IGLL5: variants seen among roughly 807,000 people sequenced by gnomAD.
IGLL5 encodes the protein immunoglobulin lambda-like polypeptide 5.
In IGLL5, 30 loss-of-function variants were observed where a neutral mutation model predicts 20.9. That is an observed-to-expected ratio of 1.44 (90% CI 1.07 to 1.95). The LOEUF (loss-of-function observed/expected upper bound fraction) is 1.95, where lower values mean the gene tolerates loss of function less well. Ranked by LOEUF, IGLL5 falls within the 30% of genes most tolerant of loss-of-function variation. The pLI, the probability that IGLL5 is intolerant of heterozygous loss-of-function variation, is 0.00. For missense variants in IGLL5, 475 were observed against 270.7 expected, an observed-to-expected ratio of 1.75 and a Z score of -5.30; for synonymous variants, 203 against 117.3, an observed-to-expected ratio of 1.73 and a Z score of -4.72.
chr22:22,893,880 T>TTG, intron 2 of IGLL5, 62 bp downstream of exon 2: 2 of 1,169,058 alleles, frequency 1.7e-6, no homozygotes, highest in Non-Finnish European at 1.3e-6. Flanking sequence ...AAAATCTGTT[T>TTG]TCTCTCTCTG....
At chr22:22,889,876 G>A (rs886381749) in intron 1 of IGLL5, among the ~76,000 whole-genome samples, 2 of 151,300 alleles carry the variant, frequency 1.3e-5, no homozygotes, top group Non-Finnish European at 2.9e-5. Context: ...AATTACAGGC[G>A]TGAGCCACTG....
chr22:22,889,726 T>C (rs1601609624), intron 1 of IGLL5, among the ~76,000 whole-genome samples: 1 of 151,268 alleles, frequency 6.6e-6, no homozygotes, highest in Admixed American at 6.6e-5. Context: ...TAGCTAGGAC[T>C]ACAGATGCAG....
At chr22:22,889,308 A>C in intron 1 of IGLL5, among the ~76,000 whole-genome samples, 1 of 151,020 alleles carries the variant, frequency 6.6e-6, no homozygotes, top group Admixed American at 6.6e-5. Flanking sequence ...AGGGCTGAGC[A>C]GAGGGGAGCA....
Position 22,894,180 on chromosome 22 carries a change from T to C in IGLL5, c.325+362T>C, listed in dbSNP as rs190712431. ...GACTCCTGGGGTCAAGGACAGAGGC[T>C]GCTGGGGTGGGCCTGGGAGCTGCTG... On this transcript the variant is annotated intron_variant, in intron 2 of 2. Transcript: ENST00000526893. Among the ~76,000 whole-genome samples, 4 of 151,486 alleles carry C rather than the reference T, an allele frequency of 2.6e-5. 1 individual carries two copies. The highest frequency in any genetic ancestry group is 7.3e-5 in the African/African-American group (3 of 41,368).
In IGLL5 at chr22:22,895,679, T is replaced by G; in HGVS notation, c.630T>G (p.Pro210=). ...GCACCGTGGAGAAGACAGTGGCCCC[T>G]ACAGAATGTTCATAGGTTCCCAACT... ...EGSTVEKTVA[P]TECS is the part of the protein sequence containing the mutation. The change falls in exon 3 of 3, where the codon CCT becomes CCG. Residue 210 remains proline, a synonymous_variant. Coordinates refer to ENST00000526893, the MANE Select transcript of IGLL5 (RefSeq NM_001178126.2). The G allele has an allele frequency of 6.2e-7, 1 of 1,613,146 alleles. No homozygotes were observed.
chr22:22,893,117 G>T (rs1257184577), intron 1 of IGLL5, among the ~76,000 whole-genome samples: 1 of 151,130 alleles, frequency 6.6e-6, no homozygotes, highest in African/African-American at 2.4e-5. Flanking sequence ...GGATGAATGA[G>T]TGGACAGATG....
In IGLL5 at chr22:22,888,419, A is replaced by C. The variant is rs543924942; in HGVS notation, c.206+160A>C. 1.3e-5 allele frequency among the ~76,000 whole-genome samples: 2 copies of C among 151,496 alleles called. 1 individual carries two copies. Among genetic ancestry groups the C allele is most frequent in the South Asian group, 4.2e-4 (2 of 4,766 alleles). On this transcript the variant is annotated intron_variant, in intron 1 of 2. Transcript: ENST00000526893. ...GTAATGGGTTGATATTTTGTCCATC[A>C]CAGATTTGTTTGAATTACTGTTTTT...
chr22:22,893,661 C>A, intron 1 of IGLL5, 39 bp from the exon 2 acceptor site: 3 of 1,354,762 alleles, frequency 2.2e-6, no homozygotes, highest in Non-Finnish European at 1.0e-6. Context: ...TAGGTCCCAG[C>A]CCCGCCCACT....
At position 22,893,860 on chromosome 22, in the gene IGLL5, C is replaced by T. The variant is rs139451152; in HGVS notation, c.325+42C>T. ...CTTTCCCAGCCTGTCTCACCCTCTG[C>T]TGTCCCTGGAAAATCTGTTTTCTCT... is the stretch of plus-strand genomic sequence containing the variant. On this transcript the variant is annotated intron_variant, in intron 2 of 2. Transcript: ENST00000526893. 4.7e-5 allele frequency: 63 copies of T among 1,329,716 alleles called. 1 individual carries two copies. The highest frequency in any genetic ancestry group is 1.7e-4 in the African/African-American group (12 of 69,236). 82.4% of individuals were successfully genotyped at this position (1,329,716 alleles called of 1,614,324 possible). A position where few individuals can be genotyped will look rare whatever the true frequency, so the allele number is the denominator to read the frequency against.
rs762383453 is a variant in IGLL5, at chr22:22,888,151, T to G, written c.98T>G (p.Met33Arg). The change falls in exon 1 of 3, where the codon ATG becomes AGG. Residue 33 changes from methionine (M) to arginine (R), a missense_variant. Transcript: ENST00000526893. ...CCCCTGCTGCTGCTGGGTCTGGCCA[T>G]GGTCGCCCATGGCCTGCTGCGCCCA... ...RWPLLLLGLA[M>R]VAHGLLRPMV... 1.3e-6 allele frequency: 2 copies of G among 1,549,338 alleles called. No individual in the cohort carries two copies. Among genetic ancestry groups the G allele is most frequent in the Admixed American group, 2.0e-5 (1 of 50,820 alleles).
chr22:22,888,950 G>C (rs9623962), intron 1 of IGLL5, among the ~76,000 whole-genome samples: 8 of 151,326 alleles, frequency 5.3e-5, no homozygotes, highest in East Asian at 4.0e-4. Flanking sequence ...AGACAGAGCA[G>C]CGTCAGAGGA....
At chr22:22,895,339 G>A (rs757962695) in intron 2 of IGLL5, 36 bp from the exon 3 acceptor site, 2 of 1,585,754 alleles carry the variant, frequency 1.3e-6, no homozygotes, top group African/African-American at 1.3e-5. Flanking sequence ...CCGGTATTCT[G>A]TCTGCCCTCT....
At chr22:22,888,795 T>A (rs1601603991) in intron 1 of IGLL5, among the ~76,000 whole-genome samples, 1 of 151,352 alleles carries the variant, frequency 6.6e-6, no homozygotes, top group Non-Finnish European at 1.5e-5. Flanking sequence ...GAGGGTGGGA[T>A]GAACCGAGGG....
At chr22:22,893,969 G>A (rs2067958639) in intron 2 of IGLL5, 151 bp downstream of exon 2, 3 of 168,060 alleles carry the variant, frequency 1.8e-5, no homozygotes, top group South Asian at 2.0e-4. Context: ...AGGTGCATTA[G>A]TCTCCGGGTA....
chr22:22,889,827 G>C (rs935335919), intron 1 of IGLL5, among the ~76,000 whole-genome samples: 3 of 151,368 alleles, frequency 2.0e-5, no homozygotes, highest in East Asian at 2.0e-4. Context: ...AAATTCCTAA[G>C]CTCAAGCAAT....
chr22:22,894,427 G>T (rs896264787), intron 2 of IGLL5, among the ~76,000 whole-genome samples: 2 of 151,396 alleles, frequency 1.3e-5, no homozygotes, highest in Admixed American at 6.6e-5. Flanking sequence ...GTGAGACTGG[G>T]TGAGGTGCCA....
chr22:22,895,987 C>T lies in IGLL5; in HGVS notation c.*293C>T, dbSNP rs2146056541. 1 of 551,240 alleles carries T rather than the reference C, an allele frequency of 1.8e-6. No homozygotes were observed. Among genetic ancestry groups the T allele is most frequent in the East Asian group, 3.2e-5 (1 of 31,496 alleles). The allele number at this position is 551,240 out of a possible 1,614,324, so 34.1% of individuals were successfully genotyped here. On this transcript the variant is annotated 3_prime_UTR_variant, in exon 3 of 3. Transcript: ENST00000526893. The stretch of plus-strand genomic sequence containing the variant: ...GTCATCTCCCCAGAGGGTCCTTCCT[C>T]TCCCAGTCACCCCTTCTCCAACTCT...
At chr22:22,889,571 A>C (rs1017421560) in intron 1 of IGLL5, among the ~76,000 whole-genome samples, 2 of 151,268 alleles carry the variant, frequency 1.3e-5, no homozygotes, top group African/African-American at 2.4e-5. Flanking sequence ...GTGAAAAAAC[A>C]CAATTGTATT....
At position 22,887,983 on chromosome 22, in the gene IGLL5, G is replaced by A. The variant is rs2067556118; in HGVS notation, c.-71G>A. On this transcript the variant is annotated 5_prime_UTR_variant, in exon 1 of 3. Coordinates refer to ENST00000526893, the MANE Select transcript of IGLL5 (RefSeq NM_001178126.2). ...CTGTAACAGCCCTGCTGGCGAGAGGGACCAGGGCACCGTCCTCCAGGGAGC... is the reference window on the plus strand; with the variant it reads ...CTGTAACAGCCCTGCTGGCGAGAGGAACCAGGGCACCGTCCTCCAGGGAGC... 2.4e-6 allele frequency: 3 copies of A among 1,243,416 alleles called. No homozygotes were observed. The highest frequency in any genetic ancestry group is 3.0e-5 in the African/African-American group (2 of 66,780). The allele number at this position is 1,243,416 out of a possible 1,614,324, so 77.0% of individuals were successfully genotyped here. A position where few individuals can be genotyped will look rare whatever the true frequency, so the allele number is the denominator to read the frequency against.
Sources: gnomAD v4.1 joint callset for allele counts (sites outside exome capture counted in the v4.1 genomes callset) on GRCh38, gnomAD v4.1.1 for gene constraint, MANE v1.5 for transcripts, NCBI Gene and HGNC (gene_info 2026-07-23, HGNC 2026-07-21) for gene names.